Variants in SLCO3A1 observed in about 807,000 individuals in gnomAD.
The protein encoded by SLCO3A1 is PGE1 transporter.
A neutral mutation model predicts 63.1 loss-of-function variants in SLCO3A1; 27 were observed. That is an observed-to-expected ratio of 0.43 (90% CI 0.32 to 0.59). The LOEUF is 0.59. SLCO3A1 is among the 20% of genes least tolerant of loss of function. SLCO3A1 has a pLI of 0.09. For synonymous variants in SLCO3A1, 473 were observed against 409.9 expected (o/e 1.15, Z -1.86); for missense variants, 773 against 945.8 (o/e 0.82, Z 2.40).
intron 2 of SLCO3A1, among the ~76,000 whole-genome samples, chr15:91,974,902 T>C (rs946357125): frequency 6.6e-6 from 1 of 152,186 alleles, no homozygotes; most frequent in African/African-American, 2.4e-5. Flanking sequence ...AGATACCCTT[T>C]ACAGAGGGCC....
intron 9 of SLCO3A1, among the ~76,000 whole-genome samples, chr15:92,151,971 A>AC (rs2048311404): frequency 1.3e-5 from 2 of 152,376 alleles, no homozygotes; most frequent in East Asian, 3.9e-4. Flanking sequence ...ATGGTCTATA[A>AC]TCGCAGTAGG....
intron 1 of SLCO3A1, among the ~76,000 whole-genome samples, chr15:91,884,041 C>T (rs995346419): frequency 6.6e-5 from 10 of 152,160 alleles, no homozygotes; most frequent in Non-Finnish European, 1.3e-4. Flanking sequence ...GAATCGTGAT[C>T]GTATCTAACA....
intron 8 of SLCO3A1, among the ~76,000 whole-genome samples, 186 bp downstream of exon 8, chr15:92,147,345 G>T (rs2048241024): frequency 6.6e-6 from 1 of 152,122 alleles, no homozygotes; most frequent in Non-Finnish European, 1.5e-5. Flanking sequence ...CCCACCAAGA[G>T]AAGAAGGCAG....
chr15:92,106,274 C>T (rs1053929030), intron 4 of SLCO3A1, among the ~76,000 whole-genome samples: 6 of 152,130 alleles, frequency 3.9e-5, no homozygotes, highest in South Asian at 2.1e-4. Context: ...CAGAATGCAC[C>T]GGTAGATGAG....
intron 2 of SLCO3A1, among the ~76,000 whole-genome samples, chr15:91,977,792 C>T (rs1901176249): frequency 6.6e-6 from 1 of 152,090 alleles, no homozygotes; most frequent in Non-Finnish European, 1.5e-5. Flanking sequence ...GATACCTCGA[C>T]AAAGAAAAAT....
Position 91,900,020 on chromosome 15 carries a change from TA to T in SLCO3A1, c.181-15972del, listed in dbSNP as rs1382516865. On this transcript the variant is annotated intron_variant, in intron 1 of 9. Coordinates refer to ENST00000318445, the MANE Select transcript of SLCO3A1 (RefSeq NM_013272.4). This position sits in a 1 kb window ranked among gnomAD's most constrained non-coding sequence, Gnocchi z 4.3. ...TATTTATCAGATTGTGTTGGTGTTA[TA>T]TTTTTGGTTATATCACATTTTGTTT... 6.6e-6 allele frequency among the ~76,000 whole-genome samples: 1 copy of T among 152,250 alleles called. No homozygotes were observed. Among genetic ancestry groups the T allele is most frequent in the African/African-American group, 2.4e-5 (1 of 41,468 alleles).
chr15:91,963,927 C>T (rs895375122), intron 2 of SLCO3A1, among the ~76,000 whole-genome samples: 3 of 152,096 alleles, frequency 2.0e-5, no homozygotes, highest in Non-Finnish European at 4.4e-5. Flanking sequence ...CTTATTTGGC[C>T]CCGCCCACAT....
rs1190247861 is a variant in SLCO3A1 at position 92,164,750 on chromosome 15, G to T, written c.*1615G>T. ...GTTTTGAAGGTGGGTGAACCTCAGA[G>T]AATGAACCTGTTATGATTTGGGGTA... On this transcript the variant is annotated 3_prime_UTR_variant, in exon 10 of 10. Coordinates refer to ENST00000318445, the MANE Select transcript of SLCO3A1 (RefSeq NM_013272.4). 2.0e-6 allele frequency: 2 copies of T among 985,266 alleles called. No homozygotes were observed. The highest frequency in any genetic ancestry group is 2.4e-6 in the Non-Finnish European group (2 of 829,938). The allele number at this position is 985,266 out of a possible 1,614,324, so 61.0% of individuals were successfully genotyped here.
intron 2 of SLCO3A1, among the ~76,000 whole-genome samples, chr15:91,983,609 C>T (rs529620411): frequency 1.3e-5 from 2 of 152,164 alleles, no homozygotes; most frequent in Non-Finnish European, 2.9e-5. Flanking sequence ...AAATTACTTA[C>T]ATCTTCCTTG....
chr15:92,141,452 AC>A (rs2048130787), intron 7 of SLCO3A1, among the ~76,000 whole-genome samples: 1 of 152,166 alleles, frequency 6.6e-6, no homozygotes, highest in Admixed American at 6.5e-5. Context: ...GCCAAATAGA[AC>A]TATGCTATTG....
intron 2 of SLCO3A1, among the ~76,000 whole-genome samples, chr15:92,065,320 T>C (rs2047137426): frequency 6.6e-6 from 1 of 152,146 alleles, no homozygotes; most frequent in African/African-American, 2.4e-5. Context: ...ACTCCTGACC[T>C]GAGGTGATCC....
At chr15:91,988,038 AGAT>A (rs2046076907) in intron 2 of SLCO3A1, among the ~76,000 whole-genome samples, 3 of 152,200 alleles carry the variant, frequency 2.0e-5, no homozygotes, top group African/African-American at 7.2e-5. Context: ...GTCACCTGAC[AGAT>A]AATTGTGTTT....
chr15:92,163,239 ACAGGCACAGATGCACACACACG>A lies in SLCO3A1; in HGVS notation c.*108_*129del. 1 of 1,431,504 alleles carries A rather than the reference ACAGGCACAGATGCACACACACG, an allele frequency of 7.0e-7. No homozygotes were observed. Among genetic ancestry groups the A allele is most frequent in the East Asian group, 2.5e-5 (1 of 39,656 alleles). The allele number at this position is 1,431,504 out of a possible 1,614,324, so 88.7% of individuals were successfully genotyped here. On this transcript the variant is annotated 3_prime_UTR_variant, in exon 10 of 10. Coordinates refer to ENST00000318445, the MANE Select transcript of SLCO3A1 (RefSeq NM_013272.4). ...AAAAACCAAAACTCAGTACACACAC[ACAGGCACAGATGCACACACACG>A]CAGACAGACACACCGACTTTGTCCT...
intron 2 of SLCO3A1, among the ~76,000 whole-genome samples, chr15:91,921,449 C>G (rs973880473): frequency 6.6e-6 from 1 of 152,136 alleles, no homozygotes; most frequent in Non-Finnish European, 1.5e-5. Context: ...AGATTAGTAC[C>G]AAACCAAGAC....
rs1897634571 is a variant in SLCO3A1, at chr15:91,883,095, T to C, written c.180+29007T>C. ...GGGAAGGAGCCATGTGCTCCAGCCA[T>C]TCAGATTCCAGTCCTCTCTGTCAGC... On this transcript the variant is annotated intron_variant, in intron 1 of 9. Coordinates refer to ENST00000318445, the MANE Select transcript of SLCO3A1 (RefSeq NM_013272.4). The surrounding 1 kb of genome is among the most constrained non-coding windows in gnomAD (Gnocchi z 4.8). 6.6e-6 allele frequency among the ~76,000 whole-genome samples: 1 copy of C among 152,216 alleles called. No homozygotes were observed.
At chr15:91,962,928 G>C (rs1900504558) in intron 2 of SLCO3A1, among the ~76,000 whole-genome samples, 1 of 151,472 alleles carries the variant, frequency 6.6e-6, no homozygotes, top group African/African-American at 2.4e-5. Flanking sequence ...TTTCTAAGCT[G>C]TATGTCTGTG....
chr15:91,987,073 C>A (rs1027092386), intron 2 of SLCO3A1, among the ~76,000 whole-genome samples: 5 of 152,020 alleles, frequency 3.3e-5, no homozygotes, highest in Non-Finnish European at 7.4e-5. Flanking sequence ...TTCTTTGCAA[C>A]CTGAGCAGAA....
intron 1 of SLCO3A1, among the ~76,000 whole-genome samples, chr15:91,869,821 G>T (rs550800294): frequency 1.9e-4 from 29 of 152,330 alleles, no homozygotes; most frequent in Non-Finnish European, 2.6e-4. Context: ...AACTCTGTTT[G>T]TGTCCAGATT....
chr15:92,097,269 A>G (rs907186268), intron 3 of SLCO3A1, among the ~76,000 whole-genome samples: 1 of 152,164 alleles, frequency 6.6e-6, no homozygotes, highest in Non-Finnish European at 1.5e-5. Flanking sequence ...GATGTCCCCA[A>G]TCCAAGGAAT....
Sources: allele counts gnomAD v4.1 joint callset (sites outside exome capture counted in the v4.1 genomes callset), GRCh38; gene constraint gnomAD v4.1.1; non-coding constraint Gnocchi (gnomAD v3.1); transcripts MANE v1.5; gene names NCBI Gene and HGNC (gene_info 2026-07-23, HGNC 2026-07-21).